TPPP: variants seen among roughly 807,000 people sequenced by gnomAD.
TPPP encodes the protein tubulin polymerization-promoting protein.
A neutral mutation model predicts 15.5 loss-of-function variants in TPPP; 6 were observed. That is an observed-to-expected ratio of 0.39 (90% confidence interval 0.21 to 0.77). The LOEUF (loss-of-function observed/expected upper bound fraction) is 0.77. TPPP is among the 30% of genes least tolerant of loss of function. TPPP has a pLI of 0.42. For missense variants in TPPP, 269 were observed against 307.2 expected, an observed-to-expected ratio of 0.88 and a Z score of 0.93; for synonymous variants, 146 against 133.9, an observed-to-expected ratio of 1.09 and a Z score of -0.63.
intron 1 of TPPP, among the ~76,000 whole-genome samples, chr5:679,289 G>A (rs1740551706): frequency 6.6e-6 from 1 of 151,996 alleles, no homozygotes; most frequent in Non-Finnish European, 1.5e-5. Context: ...GGACCTTAAG[G>A]GCCTCAGGCC....
upstream of TPPP, among the ~76,000 whole-genome samples, chr5:697,159 G>C (rs1257459083): frequency 2.0e-5 from 3 of 148,672 alleles, no homozygotes; most frequent in Non-Finnish European, 4.5e-5. Flanking sequence ...TAAAGTGCAG[G>C]TTCCGGGTCT....
At chr5:672,750 C>T (rs1740267927) in intron 2 of TPPP, among the ~76,000 whole-genome samples, 2 of 152,276 alleles carry the variant, frequency 1.3e-5, no homozygotes, top group African/African-American at 2.4e-5. Context: ...CCGGTCCCGC[C>T]TGTGCACGCT....
At chr5:697,183 C>T (rs1457939986), upstream of TPPP, among the ~76,000 whole-genome samples, 3 of 131,360 alleles carry the variant, frequency 2.3e-5, no homozygotes, top group African/African-American at 5.3e-5. Context: ...TGCCAGGGAG[C>T]GACTCTGGCC....
intron 1 of TPPP, among the ~76,000 whole-genome samples, chr5:681,480 G>T (rs897652616): frequency 1.3e-5 from 2 of 152,186 alleles, no homozygotes; most frequent in African/African-American, 4.8e-5. Context: ...GTACTCCCAG[G>T]CCTGTGTCTT....
intron 2 of TPPP, among the ~76,000 whole-genome samples, chr5:674,178 G>A (rs1740324019): frequency 6.6e-6 from 1 of 152,190 alleles, no homozygotes; most frequent in Admixed American, 6.5e-5. Flanking sequence ...CTTTGCCCCG[G>A]GTCTGCTCCT....
chr5:683,146 G>A (rs529977405), intron 1 of TPPP, among the ~76,000 whole-genome samples: 11 of 152,118 alleles, frequency 7.2e-5, no homozygotes, highest in Admixed American at 5.9e-4. Context: ...CCCAGAGCTC[G>A]CTCGCAGGCA....
intron 1 of TPPP, among the ~76,000 whole-genome samples, chr5:688,647 G>T (rs1413257352): frequency 6.8e-6 from 1 of 148,062 alleles, no homozygotes; most frequent in African/African-American, 2.4e-5. Flanking sequence ...CTGGGGACAC[G>T]TGGGCACTGA....
intron 3 of TPPP, 43 bp downstream of exon 3, chr5:665,924 GCCC>G: frequency 4.1e-5 from 2 of 48,216 alleles, no homozygotes; most frequent in Non-Finnish European, 6.1e-5. Flanking sequence ...TCCAGGCCCC[GCCC>G]CCACCCCCTC....
At chr5:680,503 G>A (rs1008199382) in intron 1 of TPPP, among the ~76,000 whole-genome samples, 3 of 140,322 alleles carry the variant, frequency 2.1e-5, no homozygotes, top group African/African-American at 8.2e-5. Context: ...GTCAACAGCC[G>A]AGAAGAAGTA....
intron 1 of TPPP, among the ~76,000 whole-genome samples, chr5:685,809 T>C (rs959650384): frequency 2.6e-5 from 4 of 152,038 alleles, no homozygotes; most frequent in African/African-American, 9.7e-5. Context: ...GGCGGGGCAG[T>C]CTCAGAGAAA....
chr5:693,178 G>A (rs1740938732), intron 1 of TPPP, 100 bp downstream of exon 1: 1 of 125,756 alleles, frequency 8.0e-6, no homozygotes, highest in African/African-American at 2.8e-5. Context: ...CGGGGGGCAG[G>A]GGCTGCGGCG....
rs560106697 is a variant in TPPP at position 674,299 on chromosome 5, G to A, written c.311+3451C>T. Among the ~76,000 whole-genome samples the A allele has an allele frequency of 8.2e-5, 10 of 122,136 alleles. No homozygotes were observed. The South Asian group carries it at 8.6e-4, about 11-fold the overall frequency. 80.1% of individuals were successfully genotyped at this position (122,136 alleles called of 152,430 possible). On this transcript the variant is annotated intron_variant, in intron 2 of 3. Transcript: ENST00000360578. The stretch of plus-strand genomic sequence containing the variant: ...AGCAGCTGCCAGGGCCCAGGAGCAC[G>A]GGGCTGGGTCCCCTCCAAACAAGGA...
chr5:684,391 G>A (rs1740711605), intron 1 of TPPP, among the ~76,000 whole-genome samples: 1 of 152,192 alleles, frequency 6.6e-6, no homozygotes, highest in Non-Finnish European at 1.5e-5. Context: ...CACGCCGTGT[G>A]GTCCTGGCCC....
intron 2 of TPPP, among the ~76,000 whole-genome samples, chr5:676,827 C>T (rs997738652): frequency 1.9e-4 from 19 of 100,222 alleles, no homozygotes; most frequent in African/African-American, 4.4e-4. Context: ...TGCACACATG[C>T]GCACACGTGC....
intron 1 of TPPP, among the ~76,000 whole-genome samples, chr5:682,002 C>T: frequency 6.6e-6 from 1 of 151,814 alleles, no homozygotes; most frequent in Non-Finnish European, 1.5e-5. Context: ...ACAGGCTGTC[C>T]CTGTTCCCAA....
At chr5:669,588 A>G (rs1318192052) in intron 2 of TPPP, among the ~76,000 whole-genome samples, 1 of 152,094 alleles carries the variant, frequency 6.6e-6, no homozygotes, top group East Asian at 1.9e-4. Flanking sequence ...CAGCCTGGTG[A>G]CCAGTGCTGA....
In TPPP at chr5:680,811, C is replaced by T. The variant is rs2458824; in HGVS notation, c.-4-2747G>A. On this transcript the variant is annotated intron_variant, in intron 1 of 3. Transcript: ENST00000360578. ...GTAGTTTTGTTTTACCTCAAACATG[C>T]ATTAGCTTAACAAAATATTTTTTAA... 1.8e-3 allele frequency among the ~76,000 whole-genome samples: 281 copies of T among 152,294 alleles called. 1 individual carries two copies. The highest frequency in any genetic ancestry group is 7.9e-4 in the Non-Finnish European group (54 of 68,038).
chr5:692,297 C>A (rs1315357836), intron 1 of TPPP, among the ~76,000 whole-genome samples: 1 of 133,554 alleles, frequency 7.5e-6, no homozygotes, highest in African/African-American at 2.8e-5. Context: ...GCCCCCAAAC[C>A]CCTATCAAAA....
intron 2 of TPPP, among the ~76,000 whole-genome samples, chr5:669,565 C>T (rs901255005): frequency 6.6e-6 from 1 of 152,160 alleles, no homozygotes; most frequent in Non-Finnish European, 1.5e-5. Flanking sequence ...ATGCGGACGC[C>T]AGGCCTGACT....
Sources: gnomAD v4.1 joint callset for allele counts (sites outside exome capture counted in the v4.1 genomes callset) on GRCh38, gnomAD v4.1.1 for gene constraint, MANE v1.5 for transcripts, NCBI Gene and HGNC (gene_info 2026-07-23, HGNC 2026-07-21) for gene names.